Variants in ACSS3 observed in about 807,000 individuals in gnomAD.
ACSS3 encodes acyl-CoA synthetase short-chain family member 3, mitochondrial.
Under a neutral mutation model 84.2 loss-of-function variants are expected in ACSS3, and 64 were observed. The ratio of observed to expected loss-of-function variants is 0.76; its 90% CI spans 0.62 to 0.94. The LOEUF (loss-of-function observed/expected upper bound fraction) is 0.94. ACSS3 is among the 40% of genes least tolerant of loss of function. The pLI is 0.00. For synonymous variants in ACSS3, 317 were observed against 310.1 expected, an observed-to-expected ratio of 1.02 and a Z score of -0.23; for missense variants, 815 against 867.6, an observed-to-expected ratio of 0.94 and a Z score of 0.76.
chr12:81,109,520 TA>T, intron 1 of ACSS3, 39 bp from the exon 2 acceptor site: 1 of 1,584,434 alleles, frequency 6.3e-7, no homozygotes, highest in Non-Finnish European at 8.6e-7. Context: ...AATATATTTT[TA>T]AAGCCATCAT....
chr12:81,237,967 T>C (rs2033679560), intron 13 of ACSS3, among the ~76,000 whole-genome samples: 1 of 151,752 alleles, frequency 6.6e-6, no homozygotes, highest in Non-Finnish European at 1.5e-5. Flanking sequence ...TTTCTCACCA[T>C]TGAGTATGAT....
intron 5 of ACSS3, among the ~76,000 whole-genome samples, chr12:81,148,828 G>A (rs1343021109): frequency 6.7e-6 from 1 of 150,278 alleles, no homozygotes; most frequent in Non-Finnish European, 1.5e-5. Flanking sequence ...TTGGAAGGCC[G>A]AGGCGGGCAG....
chr12:81,086,860 T>C (rs1446667631), intron 1 of ACSS3, among the ~76,000 whole-genome samples: 1 of 152,176 alleles, frequency 6.6e-6, no homozygotes, highest in Non-Finnish European at 1.5e-5. Context: ...CAATTATATA[T>C]ATGAATGTAA....
At chr12:81,166,681 C>T (rs758923739) in intron 7 of ACSS3, among the ~76,000 whole-genome samples, 1 of 152,144 alleles carries the variant, frequency 6.6e-6, no homozygotes, top group Non-Finnish European at 1.5e-5. Flanking sequence ...TATCATTAGC[C>T]CCTTTTATGA....
intron 7 of ACSS3, among the ~76,000 whole-genome samples, chr12:81,173,002 G>A (rs1565703506): frequency 6.6e-6 from 1 of 152,050 alleles, no homozygotes; most frequent in African/African-American, 2.4e-5. Context: ...TTCTTATTTA[G>A]CAGGCAAGTA....
intron 11 of ACSS3, among the ~76,000 whole-genome samples, chr12:81,224,031 C>A (rs995022022): frequency 6.6e-6 from 1 of 151,946 alleles, no homozygotes; most frequent in Non-Finnish European, 1.5e-5. Context: ...CTCAATTATT[C>A]ACCTTTCCCC....
At position 81,134,952 on chromosome 12, in the gene ACSS3, T is replaced by C. The variant is rs1261627967; in HGVS notation, c.593T>C (p.Ile198Thr). The part of the protein sequence containing the change: ...CARIGAIHSL[I>T]FGGFASKELS... ...AGGATAGGTGCCATCCACAGTCTCA[T>C]ATTTGGAGGATTTGCTTCCAAAGAA... The change falls in exon 3 of 16, where the codon ATA becomes ACA. Residue 198 changes from isoleucine (I) to threonine (T), a missense_variant. Coordinates refer to ENST00000548058, the MANE Select transcript of ACSS3 (RefSeq NM_024560.4). 2 of 1,607,350 alleles carry C rather than the reference T, an allele frequency of 1.2e-6. No individual in the cohort carries two copies. The highest frequency in any genetic ancestry group is 1.7e-5 in the Admixed American group (1 of 59,260).
rs538338373 is a variant in ACSS3 at position 81,139,447 on chromosome 12, A to G, written c.780+182A>G. On this transcript the variant is annotated intron_variant, in intron 4 of 15. Transcript: ENST00000548058. ...CTTCATGAAAATCTAGCTTAAAACC[A>G]AAAGAGTGAAACACAGAAAGATGTG... Among the ~76,000 whole-genome samples, 38 of 152,046 alleles carry G rather than the reference A, an allele frequency of 2.5e-4. No homozygotes were observed. The South Asian group carries it at 5.8e-3, about 23-fold the overall frequency.
rs1306416777 is a variant in ACSS3, at chr12:81,120,378, T to C, written c.456+10674T>C. Among the ~76,000 whole-genome samples, 4 of 152,296 alleles carry C rather than the reference T, an allele frequency of 2.6e-5. No homozygotes were observed. In the South Asian group the frequency reaches 6.2e-4, roughly 24 times the overall value. The stretch of plus-strand genomic sequence containing the variant: ...GAGGAGAGCTGGTCACAATGAACAC[T>C]TGTACCTGTTATACAGCAATGTAAA... On this transcript the variant is annotated intron_variant, in intron 2 of 15. Coordinates refer to ENST00000548058, the MANE Select transcript of ACSS3 (RefSeq NM_024560.4).
chr12:81,141,212 G>A (rs1029419575), intron 4 of ACSS3, among the ~76,000 whole-genome samples: 1 of 152,012 alleles, frequency 6.6e-6, no homozygotes, highest in Non-Finnish European at 1.5e-5. Flanking sequence ...CTCTTTTTCT[G>A]CAGGCCCTTT....
intron 8 of ACSS3, among the ~76,000 whole-genome samples, chr12:81,179,432 C>T (rs1042628380): frequency 6.6e-6 from 1 of 151,808 alleles, no homozygotes; most frequent in Admixed American, 6.6e-5. Flanking sequence ...AACTACGCGT[C>T]AGAGAAAGAT....
chr12:81,154,589 C>T (rs1886774044), intron 7 of ACSS3, among the ~76,000 whole-genome samples: 1 of 152,174 alleles, frequency 6.6e-6, no homozygotes, highest in Admixed American at 6.5e-5. Flanking sequence ...TTCTTCTCCA[C>T]TAAATTCCTT....
chr12:81,079,531 G>C (rs1199112321), intron 1 of ACSS3, among the ~76,000 whole-genome samples: 1 of 152,098 alleles, frequency 6.6e-6, no homozygotes, highest in Non-Finnish European at 1.5e-5. Context: ...ACCATGCCCA[G>C]TCCTCTCAAA....
chr12:81,127,308 T>C (rs1368347965), intron 2 of ACSS3, among the ~76,000 whole-genome samples: 3 of 152,058 alleles, frequency 2.0e-5, no homozygotes, highest in Non-Finnish European at 2.9e-5. Flanking sequence ...AAAAAGATAG[T>C]TTTACTATCA....
chr12:81,246,444 G>A (rs1336916563), intron 13 of ACSS3, among the ~76,000 whole-genome samples: 3 of 152,098 alleles, frequency 2.0e-5, no homozygotes, highest in Non-Finnish European at 4.4e-5. Flanking sequence ...AGTTACACAT[G>A]CTGAGCTGCT....
In ACSS3 at chr12:81,256,264, T is replaced by C. The variant is rs993829908; in HGVS notation, c.*1342T>C. Reference sequence around the variant, plus strand: ...AAGAGAAAACAAAGAATCCTGGTTTTTATGTGAAATCTCTAATTTTAAAAT... The same window carrying C: ...AAGAGAAAACAAAGAATCCTGGTTTCTATGTGAAATCTCTAATTTTAAAAT... On this transcript the variant is annotated 3_prime_UTR_variant, in exon 16 of 16. Transcript: ENST00000548058. 6.6e-6 allele frequency: 1 copy of C among 152,112 alleles called. No homozygotes were observed. Among genetic ancestry groups the C allele is most frequent in the African/African-American group, 2.4e-5 (1 of 41,416 alleles). The allele number at this position is 152,112 out of a possible 1,614,324, so 9.4% of individuals were successfully genotyped here.
At position 81,093,982 on chromosome 12, in the gene ACSS3, T is replaced by C. The variant is rs148722150; in HGVS notation, c.311+15551T>C. ...CACTTGTAAGAAGTGTTTTTTCCAT[T>C]TTTCTAATTCATTATTTTTAATGTA... On this transcript the variant is annotated intron_variant, in intron 1 of 15. Transcript: ENST00000548058. Among the ~76,000 whole-genome samples, 659 of 152,224 alleles carry C rather than the reference T, an allele frequency of 4.3e-3. 7 individuals carry two copies. Among genetic ancestry groups the C allele is most frequent in the African/African-American group, 0.015 (641 of 41,536 alleles).
At chr12:81,110,664 A>G (rs1883499803) in intron 2 of ACSS3, among the ~76,000 whole-genome samples, 1 of 152,198 alleles carries the variant, frequency 6.6e-6, no homozygotes, top group African/African-American at 2.4e-5. Flanking sequence ...CACGACATTT[A>G]GCAGTATCCC....
Position 81,253,584 on chromosome 12 carries a change from GTGTT to G in ACSS3, c.1913_1916del (p.Phe638SerfsTer28), listed in dbSNP as rs1464533033. 6.2e-7 allele frequency: 1 copy of G among 1,613,866 alleles called. No homozygotes were observed. The highest frequency in any genetic ancestry group is 8.5e-7 in the Non-Finnish European group (1 of 1,179,940). On this transcript the variant is annotated frameshift_variant, in exon 15 of 16. Coordinates refer to ENST00000548058, the MANE Select transcript of ACSS3 (RefSeq NM_024560.4). LOFTEE classifies it high-confidence loss of function. ...CCCTGTGGCTGCTTTTCGAAATGCAGTGTTTGTCAAACAGCTACCCAAAACCAGA... is the reference window on the plus strand; with the variant it reads ...CCCTGTGGCTGCTTTTCGAAATGCAGTGTCAAACAGCTACCCAAAACCAGA...
Sources: allele counts gnomAD v4.1 joint callset (sites outside exome capture counted in the v4.1 genomes callset), GRCh38; gene constraint gnomAD v4.1.1; transcripts MANE v1.5; gene names NCBI Gene and HGNC (gene_info 2026-07-23, HGNC 2026-07-21).